The following DPP6 variants were observed in gnomAD, a reference collection of about 807,000 sequenced individuals.
DPP6 encodes dipeptidyl peptidase like 6.
DPP6 carries 69 observed loss-of-function variants against 122.6 expected under a neutral mutation model. The ratio of observed to expected loss-of-function variants is 0.56; its 90% CI spans 0.46 to 0.69. The LOEUF is 0.69. Among genes scored for constraint, DPP6 ranks in the 30% least tolerant of loss-of-function variants. The pLI is 0.00. For synonymous variants in DPP6, 418 were observed against 433.1 expected, an observed-to-expected ratio of 0.97 and a Z score of 0.43; for missense variants, 928 against 1,116.9, an observed-to-expected ratio of 0.83 and a Z score of 2.41.
intron 16 of DPP6, among the ~76,000 whole-genome samples, chr7:154,822,019 A>G (rs953498396): frequency 6.6e-6 from 1 of 152,134 alleles, no homozygotes; most frequent in South Asian, 2.1e-4. Context: ...ACTTATTTAA[A>G]TATCTGATAC....
intron 8 of DPP6, among the ~76,000 whole-genome samples, chr7:154,744,768 A>G (rs1398197060): frequency 6.6e-6 from 1 of 152,208 alleles, no homozygotes; most frequent in African/African-American, 2.4e-5. Context: ...CAGATCTATC[A>G]GGCATGTTAT....
chr7:154,376,686 A>T (rs1813156556), intron 1 of DPP6, among the ~76,000 whole-genome samples: 1 of 152,202 alleles, frequency 6.6e-6, no homozygotes, highest in Non-Finnish European at 1.5e-5. Context: ...ATCCAGCAGT[A>T]GTTCTGGCTA....
the DPP6 span, among the ~76,000 whole-genome samples, chr7:153,808,305 A>G: frequency 6.9e-6 from 1 of 144,668 alleles, no homozygotes; most frequent in Non-Finnish European, 1.5e-5. Context: ...GTGTCTGCGC[A>G]CATGTGTGCC....
chr7:154,342,709 G>A (rs75323453), intron 1 of DPP6, among the ~76,000 whole-genome samples: 3,915 of 152,252 alleles, frequency 0.026, 160 homozygotes, highest in African/African-American at 0.089. Flanking sequence ...ACTGCATGGT[G>A]AATTTTGTGA....
chr7:154,677,998 G>A (rs575002462), intron 7 of DPP6, among the ~76,000 whole-genome samples: 28 of 152,248 alleles, frequency 1.8e-4, no homozygotes, highest in Middle Eastern at 3.4e-3. Context: ...GTAAACGCAG[G>A]GATCAGCACT....
At chr7:154,609,262 C>T (rs1216754105) in intron 5 of DPP6, among the ~76,000 whole-genome samples, 1 of 152,204 alleles carries the variant, frequency 6.6e-6, no homozygotes, top group Non-Finnish European at 1.5e-5. Flanking sequence ...GTTGCAGGAA[C>T]CCAGTACTAT....
At chr7:154,428,169 G>T (rs1325834226) in intron 1 of DPP6, among the ~76,000 whole-genome samples, 5 of 152,100 alleles carry the variant, frequency 3.3e-5, no homozygotes, top group Non-Finnish European at 7.4e-5. Flanking sequence ...GTTGAAAATT[G>T]GGAAGTATGA....
At chr7:154,590,793 C>T (rs989154877) in intron 5 of DPP6, among the ~76,000 whole-genome samples, 3 of 151,828 alleles carry the variant, frequency 2.0e-5, no homozygotes, top group Admixed American at 1.3e-4. Flanking sequence ...CTTGGCCTCC[C>T]AAAGTGCTGA....
intron 16 of DPP6, among the ~76,000 whole-genome samples, chr7:154,830,683 G>A (rs1039583916): frequency 2.0e-5 from 3 of 152,278 alleles, no homozygotes; most frequent in Non-Finnish European, 2.9e-5. Flanking sequence ...GGCCTTAATC[G>A]TACTTCATTT....
intron 1 of DPP6, among the ~76,000 whole-genome samples, chr7:153,970,278 G>A (rs1563061203): frequency 6.6e-6 from 1 of 152,150 alleles, no homozygotes; most frequent in African/African-American, 2.4e-5. Flanking sequence ...ATCTTTTTGT[G>A]TATTTATTTG....
chr7:153,975,827 A>G lies in DPP6; in HGVS notation c.51+88093A>G, dbSNP rs61472362. 5.0e-3 allele frequency among the ~76,000 whole-genome samples: 762 copies of G among 152,350 alleles called. 6 individuals are homozygous for G. Among genetic ancestry groups the G allele is most frequent in the African/African-American group, 0.017 (703 of 41,578 alleles). On this transcript the variant is annotated intron_variant, in intron 1 of 25. Coordinates refer to the DPP6 transcript ENST00000404039. ...AAGTCAAAAAGCTTGAAATCAAATA[A>G]TGGCTCTAGCCGTCACTCAATGTGA... is the stretch of plus-strand genomic sequence containing the variant.
intron 1 of DPP6, among the ~76,000 whole-genome samples, chr7:154,223,842 G>A (rs1272370406): frequency 6.7e-6 from 1 of 148,828 alleles, no homozygotes; most frequent in Non-Finnish European, 1.5e-5. Context: ...GTGGAGAATA[G>A]GCAGGAGGGG....
At chr7:154,575,496 TTGTG>T (rs1457864912) in intron 5 of DPP6, among the ~76,000 whole-genome samples, 4 of 81,834 alleles carry the variant, frequency 4.9e-5, no homozygotes, top group Non-Finnish European at 7.5e-5. Context: ...TGGTGTGTGT[TTGTG>T]TGGTGTGTGT....
intron 5 of DPP6, among the ~76,000 whole-genome samples, chr7:154,574,819 T>TG (rs1831417810): frequency 3.9e-5 from 5 of 129,270 alleles, no homozygotes; most frequent in Non-Finnish European, 6.5e-5. Flanking sequence ...TGTGATGTGT[T>TG]TGTGTGGTGT....
chr7:154,435,908 C>G (rs1552732), intron 1 of DPP6, among the ~76,000 whole-genome samples: 18,261 of 152,066 alleles, frequency 0.12, 1,318 homozygotes, highest in Middle Eastern at 0.24. Flanking sequence ...ATGTATGTGT[C>G]GTTTATTTTC....
At chr7:154,021,420 T>C (rs1490282569) in intron 1 of DPP6, among the ~76,000 whole-genome samples, 1 of 152,184 alleles carries the variant, frequency 6.6e-6, no homozygotes, top group Non-Finnish European at 1.5e-5. Flanking sequence ...CCCAGAGTGC[T>C]GTAGCCCAGG....
chr7:154,381,082 G>A (rs1813560173), intron 1 of DPP6, among the ~76,000 whole-genome samples: 1 of 152,170 alleles, frequency 6.6e-6, no homozygotes, highest in African/African-American at 2.4e-5. Context: ...GGGGGATCCT[G>A]GTGCTGTGAG....
At chr7:154,103,205 C>T (rs1196175446) in intron 1 of DPP6, among the ~76,000 whole-genome samples, 1 of 152,136 alleles carries the variant, frequency 6.6e-6, no homozygotes. Flanking sequence ...GACAGAAGTG[C>T]AGTCAACTCA....
Position 154,794,093 on chromosome 7 carries a change from C to T in DPP6, c.1151C>T (p.Thr384Ile). 1 of 1,613,660 alleles carries T rather than the reference C, an allele frequency of 6.2e-7. No individual in the cohort carries two copies. Among genetic ancestry groups the T allele is most frequent in the Non-Finnish European group, 8.5e-7 (1 of 1,179,724 alleles). The change falls in exon 11 of 26, where the codon ACC becomes ATC. Residue 384 changes from threonine (T) to isoleucine (I), a missense_variant. By Grantham distance (89) the Thr-to-Ile change is moderately conservative. Transcript: ENST00000377770. The part of the protein sequence containing the change: ...DDPRMREYYI[T>I]MVKWATSTKV... ...GGCGTTTCCAGGGAGTACTACATCA[C>T]CATGGTGAAGTGGGCCACCAGCACC... is the stretch of plus-strand genomic sequence containing the variant.
Sources: gnomAD v4.1 joint callset for allele counts (sites outside exome capture counted in the v4.1 genomes callset) on GRCh38, gnomAD v4.1.1 for gene constraint, MANE v1.5 for transcripts, NCBI Gene and HGNC (gene_info 2026-07-23, HGNC 2026-07-21) for gene names.